The following ADGB variants were observed in gnomAD, a reference collection of about 807,000 sequenced individuals.
The protein encoded by ADGB is calpain-7-like protein.
ADGB carries 172 observed loss-of-function variants against 210.5 expected under a neutral mutation model. The ratio of observed to expected loss-of-function variants is 0.82; its 90% confidence interval spans 0.72 to 0.93. The LOEUF (loss-of-function observed/expected upper bound fraction) is 0.93. Ranked by LOEUF, ADGB falls within the 40% of genes least tolerant of loss-of-function variation. The pLI is 0.00. For synonymous variants in ADGB, 658 were observed against 662.7 expected, an observed-to-expected ratio of 0.99 and a Z score of 0.11; for missense variants, 2,025 against 1,964.8, an observed-to-expected ratio of 1.03 and a Z score of -0.58.
At chr6:146,717,452 A>G in intron 15 of ADGB, 84 bp from the exon 16 acceptor site, 1 of 753,462 alleles carries the variant, frequency 1.3e-6, no homozygotes. Context: ...TCTTCCTACA[A>G]TAATTTGATT....
At chr6:146,802,932 A>T in intron 35 of ADGB, 3 of 1,610,616 alleles carry the variant, frequency 1.9e-6, no homozygotes, top group East Asian at 2.2e-5. Context: ...CCATCATTTA[A>T]AATTTGTTTT....
chr6:146,680,314 A>G (rs1392462336), intron 9 of ADGB, among the ~76,000 whole-genome samples: 1 of 152,202 alleles, frequency 6.6e-6, no homozygotes, highest in Non-Finnish European at 1.5e-5. Context: ...AAGGATGGAC[A>G]GAGCAGGAGT....
chr6:146,810,715 T>C, intron 35 of ADGB, among the ~76,000 whole-genome samples: 1 of 152,042 alleles, frequency 6.6e-6, no homozygotes. Context: ...AGAAAAATAA[T>C]GCATAATCTC....
intron 16 of ADGB, among the ~76,000 whole-genome samples, chr6:146,720,916 C>T (rs115714242): frequency 7.7e-4 from 117 of 152,250 alleles, no homozygotes; most frequent in African/African-American, 2.7e-3. Flanking sequence ...AGCCAAACCA[C>T]GACAGGTATA....
In ADGB at chr6:146,734,144, C is replaced by T. The variant is rs1193994830; in HGVS notation, c.2794+114C>T. 3 of 1,033,264 alleles carry T rather than the reference C, an allele frequency of 2.9e-6. No individual in the cohort carries two copies. The African/African-American group carries it at 4.9e-5, about 17-fold the overall frequency. The allele number at this position is 1,033,264 out of a possible 1,614,324, so 64.0% of individuals were successfully genotyped here. ...ACTTTATGGCTAATTAATTTCAGTC[C>T]TCTAAATAATGAAATTATTTGAAAT... On this transcript the variant is annotated intron_variant, in intron 22 of 35. Coordinates refer to ENST00000397944, the MANE Select transcript of ADGB (RefSeq NM_024694.4).
Position 146,715,433 on chromosome 6 carries a change from C to T in ADGB, c.1741+18C>T. ...TGGAAAAGGTAAATTAATAATTTTCCTGTGACTTTTTTCAATGTACATCAA... is the reference window on the plus strand; with the variant it reads ...TGGAAAAGGTAAATTAATAATTTTCTTGTGACTTTTTTCAATGTACATCAA... On this transcript the variant is annotated intron_variant, in intron 14 of 35. Transcript: ENST00000397944. 1.3e-6 allele frequency: 2 copies of T among 1,485,714 alleles called. No individual in the cohort carries two copies. Among genetic ancestry groups the T allele is most frequent in the Admixed American group, 2.7e-5 (1 of 37,214 alleles). The allele number at this position is 1,485,714 out of a possible 1,614,324, so 92.0% of individuals were successfully genotyped here.
At chr6:146,637,608 G>A (rs1049821431) in intron 2 of ADGB, among the ~76,000 whole-genome samples, 2 of 151,866 alleles carry the variant, frequency 1.3e-5, no homozygotes, top group African/African-American at 4.8e-5. Context: ...ATAAAGTAAG[G>A]GCAAACCAAA....
At chr6:146,667,735 A>T (rs543270089) in intron 7 of ADGB, among the ~76,000 whole-genome samples, 112 of 150,986 alleles carry the variant, frequency 7.4e-4, no homozygotes, top group Middle Eastern at 3.4e-3. Context: ...GCAACTTTTA[A>T]TTGGCCACAT....
At chr6:146,736,435 G>A (rs923291648) in intron 22 of ADGB, 63 bp from the exon 23 acceptor site, 204 of 1,075,136 alleles carry the variant, frequency 1.9e-4, no homozygotes, top group Non-Finnish European at 2.6e-4. Context: ...TGAAGGCTTT[G>A]GACAAGATGA....
chr6:146,728,447 T>A, intron 19 of ADGB, 127 bp from the exon 20 acceptor site: 2 of 1,013,792 alleles, frequency 2.0e-6, no homozygotes, highest in South Asian at 5.0e-5. Flanking sequence ...TACCTTGATA[T>A]CAAATCCTCT....
At chr6:146,657,689 C>G (rs753295671) in intron 5 of ADGB, among the ~76,000 whole-genome samples, 6 of 152,174 alleles carry the variant, frequency 3.9e-5, no homozygotes, top group Non-Finnish European at 8.8e-5. Flanking sequence ...GTATCAGGGT[C>G]ATGGGCAGGA....
chr6:146,613,667 C>G (rs758825498), intron 1 of ADGB, among the ~76,000 whole-genome samples: 1 of 152,102 alleles, frequency 6.6e-6, no homozygotes, highest in African/African-American at 2.4e-5. Flanking sequence ...AGCGGTGTTT[C>G]TATTGCTTCA....
At chr6:146,753,889 T>C (rs1777362320) in intron 27 of ADGB, among the ~76,000 whole-genome samples, 1 of 151,800 alleles carries the variant, frequency 6.6e-6, no homozygotes, top group Admixed American at 6.6e-5. Context: ...TCTTTTCTAG[T>C]TCTTAAGCTA....
intron 5 of ADGB, among the ~76,000 whole-genome samples, chr6:146,658,543 C>A (rs1440907843): frequency 6.6e-6 from 1 of 152,112 alleles, no homozygotes. Context: ...ATTGAACCAA[C>A]CCTGTTGATT....
chr6:146,701,869 T>C (rs184204302), intron 13 of ADGB, among the ~76,000 whole-genome samples: 100 of 152,074 alleles, frequency 6.6e-4, no homozygotes, highest in Non-Finnish European at 1.2e-3. Flanking sequence ...CCACATGAAA[T>C]ACAGCAACAG....
At chr6:146,653,316 A>G (rs1459796896) in intron 3 of ADGB, among the ~76,000 whole-genome samples, 1 of 152,082 alleles carries the variant, frequency 6.6e-6, no homozygotes, top group Non-Finnish European at 1.5e-5. Context: ...TGCACAATAA[A>G]TGTAATGTGC....
intron 20 of ADGB, among the ~76,000 whole-genome samples, chr6:146,729,098 GGCT>G (rs1401722866): frequency 1.3e-5 from 2 of 152,130 alleles, no homozygotes; most frequent in Non-Finnish European, 2.9e-5. Flanking sequence ...TGCTCTCAAG[GGCT>G]TTGACTTCCT....
At position 146,802,024 on chromosome 6, in the gene ADGB, G is replaced by C; in HGVS notation, c.4818+13G>C. ...TAAGGAAATGCAGGTGAGTCTAAAA[G>C]CACATACATAGATTATAGTTGGCAA... On this transcript the variant is annotated intron_variant, in intron 35 of 35. Transcript: ENST00000397944. 2 of 1,488,618 alleles carry C rather than the reference G, an allele frequency of 1.3e-6. No individual in the cohort carries two copies. Among genetic ancestry groups the C allele is most frequent in the Non-Finnish European group, 1.8e-6 (2 of 1,120,980 alleles). 92.2% of individuals were successfully genotyped at this position (1,488,618 alleles called of 1,614,324 possible).
chr6:146,696,923 T>C (rs1275793886), intron 12 of ADGB, among the ~76,000 whole-genome samples: 1 of 152,168 alleles, frequency 6.6e-6, no homozygotes, highest in Non-Finnish European at 1.5e-5. Flanking sequence ...GCTACTGTTT[T>C]AGAACAACAA....
Sources: gnomAD v4.1 joint callset for allele counts (sites outside exome capture counted in the v4.1 genomes callset) on GRCh38, gnomAD v4.1.1 for gene constraint, MANE v1.5 for transcripts, NCBI Gene and HGNC (gene_info 2026-07-23, HGNC 2026-07-21) for gene names.